Variants in CBLB observed in about 807,000 individuals in gnomAD.
CBLB encodes the protein Cbl proto-oncogene B.
In CBLB, 31 loss-of-function variants were observed where a neutral mutation model predicts 104.9. The observed-to-expected ratio is 0.30, with a 90% CI of 0.22 to 0.40. The LOEUF is 0.40. Among genes scored for constraint, CBLB ranks in the 10% least tolerant of loss-of-function variants. The pLI, the probability that CBLB is intolerant of heterozygous loss-of-function variation, is 1.00. For synonymous variants in CBLB, 440 were observed against 422.6 expected (o/e 1.04, Z -0.51); for missense variants, 1,062 against 1,214.6 (o/e 0.87, Z 1.87).
intron 17 of CBLB, chr3:105,671,025 T>C (rs1439044473): frequency 2.2e-5 from 4 of 178,894 alleles, no homozygotes; most frequent in Non-Finnish European, 4.8e-5. Flanking sequence ...ATTTACCACC[T>C]TGGCAGTCAG....
At chr3:105,725,732 A>G (rs1455343195) in intron 9 of CBLB, among the ~76,000 whole-genome samples, 1 of 152,238 alleles carries the variant, frequency 6.6e-6, no homozygotes, top group East Asian at 1.9e-4. Context: ...AAACGTTCGT[A>G]AAGGCAAGTA....
intron 9 of CBLB, among the ~76,000 whole-genome samples, chr3:105,720,897 C>T (rs2072721395): frequency 6.6e-6 from 1 of 152,130 alleles, no homozygotes; most frequent in African/African-American, 2.4e-5. Context: ...TGCTTTTAAA[C>T]AATATGATAC....
rs565464734 is a variant in CBLB, at chr3:105,792,670, G to C, written c.420-16128C>G. Reference sequence around the variant, plus strand: ...TCAACAGACTGCCAAAGGTCAGAAAGAGGGCGGCTCTTTCCTTGCTTCCTC... The same window carrying C: ...TCAACAGACTGCCAAAGGTCAGAAACAGGGCGGCTCTTTCCTTGCTTCCTC... On this transcript the variant is annotated intron_variant, in intron 3 of 18. Transcript: ENST00000394030. Among the ~76,000 whole-genome samples the C allele has an allele frequency of 5.6e-4, 86 of 152,312 alleles. 1 individual carries two copies. Among genetic ancestry groups the C allele is most frequent in the African/African-American group, 1.9e-3 (78 of 41,572 alleles).
At chr3:105,662,835 T>C (rs1296488730) in intron 18 of CBLB, among the ~76,000 whole-genome samples, 1 of 152,222 alleles carries the variant, frequency 6.6e-6, no homozygotes, top group Non-Finnish European at 1.5e-5. Flanking sequence ...TTTCCTTTTC[T>C]GAGCATATAA....
chr3:105,783,545 C>T (rs961478156), intron 3 of CBLB, among the ~76,000 whole-genome samples: 3 of 152,150 alleles, frequency 2.0e-5, no homozygotes, highest in Non-Finnish European at 4.4e-5. Context: ...TTCTTCAAAT[C>T]TCTGAGTGCC....
intron 3 of CBLB, among the ~76,000 whole-genome samples, chr3:105,840,402 G>T (rs898883893): frequency 2.0e-5 from 3 of 151,520 alleles, no homozygotes; most frequent in African/African-American, 7.3e-5. Context: ...AAAAAAAGTT[G>T]CATCGACTGA....
chr3:105,661,070 T>C (rs1211644788), intron 18 of CBLB, among the ~76,000 whole-genome samples: 1 of 151,944 alleles, frequency 6.6e-6, no homozygotes, highest in Non-Finnish European at 1.5e-5. Flanking sequence ...CCCAAAATGC[T>C]AAAATTACAG....
intron 13 of CBLB, among the ~76,000 whole-genome samples, chr3:105,691,734 T>G (rs997988335): frequency 3.3e-5 from 5 of 152,180 alleles, no homozygotes; most frequent in Admixed American, 3.3e-4. Flanking sequence ...CCAACTCCTA[T>G]GCCTGCTAAA....
chr3:105,800,681 C>T (rs1161170059), intron 3 of CBLB, among the ~76,000 whole-genome samples: 2 of 147,322 alleles, frequency 1.4e-5, no homozygotes, highest in Non-Finnish European at 3.1e-5. Context: ...ATACACAAAC[C>T]CCCCCACCCA....
Position 105,730,565 on chromosome 3 carries a change from C to T in CBLB, c.1203+3444G>A, listed in dbSNP as rs535504878. ...ATTCTAAAATAGGTAAAGTAATCCA[C>T]ATTCTAGAAAGAAAATACATAAATA... is the stretch of plus-strand genomic sequence containing the variant. On this transcript the variant is annotated intron_variant, in intron 9 of 18. Transcript: ENST00000394030. 5.3e-5 allele frequency among the ~76,000 whole-genome samples: 8 copies of T among 152,080 alleles called. No individual in the cohort carries two copies. The East Asian group carries it at 7.7e-4, about 15-fold the overall frequency.
chr3:105,734,178 T>G, intron 8 of CBLB, 38 bp from the exon 9 acceptor site: 1 of 1,607,756 alleles, frequency 6.2e-7, no homozygotes, highest in Non-Finnish European at 8.5e-7. Flanking sequence ...AATGTTAATG[T>G]ATTTCCAGCA....
rs377491395 is a variant in CBLB at position 105,741,212 on chromosome 3, G to A, written c.846-581C>T. Among the ~76,000 whole-genome samples the A allele has an allele frequency of 1.4e-3, 200 of 147,790 alleles. 9 individuals are homozygous for A. In the South Asian group the frequency reaches 0.041, roughly 30 times the overall value. On this transcript the variant is annotated intron_variant, in intron 6 of 18. Coordinates refer to ENST00000394030, the MANE Select transcript of CBLB (RefSeq NM_170662.5). ...TTAGTTTGTTTGTTTTTTTTGAGAC[G>A]CAGTCTCACTCTATCACCCAGGCTG...
intron 3 of CBLB, among the ~76,000 whole-genome samples, chr3:105,817,319 G>A (rs1279167406): frequency 1.3e-5 from 2 of 152,112 alleles, no homozygotes; most frequent in Admixed American, 1.3e-4. Flanking sequence ...TGCAAGAACA[G>A]GGGACAAGGA....
At chr3:105,694,280 C>G (rs1221771200) in intron 12 of CBLB, among the ~76,000 whole-genome samples, 1 of 151,902 alleles carries the variant, frequency 6.6e-6, no homozygotes, top group Non-Finnish European at 1.5e-5. Context: ...TTCTGTTACA[C>G]TACAGGAAAT....
chr3:105,664,841 A>G (rs1359234107), intron 18 of CBLB, among the ~76,000 whole-genome samples: 2 of 152,108 alleles, frequency 1.3e-5, no homozygotes, highest in Non-Finnish European at 2.9e-5. Context: ...ACCCTTCATT[A>G]TTTTGTCATC....
chr3:105,812,225 A>G (rs374266835), intron 3 of CBLB, among the ~76,000 whole-genome samples: 1 of 152,188 alleles, frequency 6.6e-6, no homozygotes, highest in Non-Finnish European at 1.5e-5. Context: ...TAATGCTGCA[A>G]ATGTTTGCAA....
At position 105,803,909 on chromosome 3, in the gene CBLB, A is replaced by G. The variant is rs2083196037; in HGVS notation, c.420-27367T>C. 1.3e-5 allele frequency among the ~76,000 whole-genome samples: 2 copies of G among 152,188 alleles called. 1 individual carries two copies. Among genetic ancestry groups the G allele is most frequent in the South Asian group, 4.1e-4 (2 of 4,828 alleles). ...GTTCATGAAAATAACAAGACACTCA[A>G]TTACAGGAGTGATTTTTAGGGTAAT... On this transcript the variant is annotated intron_variant, in intron 3 of 18. Transcript: ENST00000394030.
At chr3:105,677,502 G>T (rs536534503) in intron 17 of CBLB, among the ~76,000 whole-genome samples, 1 of 151,900 alleles carries the variant, frequency 6.6e-6, no homozygotes, top group African/African-American at 2.4e-5. Flanking sequence ...ACTTTTTAAA[G>T]ATTTTCATGA....
At chr3:105,664,542 A>T (rs1010399357) in intron 18 of CBLB, among the ~76,000 whole-genome samples, 1 of 152,072 alleles carries the variant, frequency 6.6e-6, no homozygotes, top group Admixed American at 6.6e-5. Flanking sequence ...GTTTTAAGTG[A>T]TTGCTTTTTC....
Sources: allele counts gnomAD v4.1 joint callset (sites outside exome capture counted in the v4.1 genomes callset), GRCh38; gene constraint gnomAD v4.1.1; transcripts MANE v1.5; gene names NCBI Gene and HGNC (gene_info 2026-07-23, HGNC 2026-07-21).